The following DCHS2 variants were observed in gnomAD, a reference collection of about 807,000 sequenced individuals.
DCHS2 encodes the protein protocadherin-23.
DCHS2 carries 142 observed loss-of-function variants against 182.4 expected under a neutral mutation model. That is an observed-to-expected ratio of 0.78 (90% CI 0.68 to 0.89). DCHS2 has a LOEUF of 0.89. Ranked by LOEUF, DCHS2 falls within the 40% of genes least tolerant of loss-of-function variation. The pLI, the probability that DCHS2 is intolerant of heterozygous loss-of-function variation, is 0.00. For missense variants in DCHS2, 4,319 were observed against 4,198.6 expected (o/e 1.03, Z -0.79); for synonymous variants, 1,740 against 1,663.3 (o/e 1.05, Z -1.12).
intron 3 of DCHS2, among the ~76,000 whole-genome samples, chr4:154,339,211 A>T (rs149165696): frequency 3.2e-4 from 48 of 152,328 alleles, no homozygotes; most frequent in Admixed American, 1.4e-3. Flanking sequence ...CTGATGTCTC[A>T]GCTCAAGCTG....
intron 7 of DCHS2, among the ~76,000 whole-genome samples, chr4:154,323,906 G>T (rs910940579): frequency 5.3e-5 from 8 of 151,412 alleles, no homozygotes; most frequent in Admixed American, 6.6e-5. Context: ...AAACACTTCT[G>T]GTCCCAAGCA....
intron 3 of DCHS2, among the ~76,000 whole-genome samples, chr4:154,341,256 C>G (rs1261704945): frequency 4.6e-5 from 7 of 150,552 alleles, no homozygotes; most frequent in Non-Finnish European, 1.0e-4. Flanking sequence ...GCAGACCCAG[C>G]TATTTGGGAG....
At chr4:154,486,405 G>A in intron 1 of DCHS2, 1 of 1,303,774 alleles carries the variant, frequency 7.7e-7, no homozygotes, top group Non-Finnish European at 1.0e-6. Flanking sequence ...TAAAGGGTTT[G>A]TTTTTATCAG....
rs1578976098 is a variant in DCHS2 at position 154,333,092 on chromosome 4, C to T, written c.3116G>A (p.Gly1039Asp). The change falls in exon 5 of 20, where the codon GGC becomes GAC. Residue 1039 changes from glycine (G) to aspartate (D), a missense_variant. Gly to Asp is a moderately conservative substitution (Grantham distance 94). Coordinates refer to ENST00000357232, the MANE Select transcript of DCHS2 (RefSeq NM_001358235.2). Reference protein sequence around the residue: ...DRALGVLFLNGSLGAGEQREL... With the variant: ...DRALGVLFLNDSLGAGEQREL... The stretch of plus-strand genomic sequence containing the variant: ...CCGCTGCTCGCCCGCGCCCAGGCTG[C>T]CGTTGAGGAACAGCACCCCCAGGGC... The T allele has an allele frequency of 1.2e-6, 2 of 1,614,020 alleles. No individual in the cohort carries two copies. Among genetic ancestry groups the T allele is most frequent in the Non-Finnish European group, 1.7e-6 (2 of 1,179,988 alleles).
Position 154,332,697 on chromosome 4 carries a change from G to T in DCHS2, c.3511C>A (p.Gln1171Lys). The T allele has an allele frequency of 6.2e-7, 1 of 1,614,218 alleles. No homozygotes were observed. The highest frequency in any genetic ancestry group is 8.5e-7 in the Non-Finnish European group (1 of 1,180,034). ...ACAATGACTGTAGTGCTCACATTTT[G>T]CAAGAATCCGTCCTCGGGGATCCAA... ...FAWIPEDGFL[Q>K]NVSTTVIVRV... The change falls in exon 5 of 20, where the codon CAA becomes AAA. Residue 1171 changes from glutamine (Q) to lysine (K), a missense_variant. Physicochemically the swap from Gln to Lys is moderately conservative, Grantham distance 53. Coordinates refer to ENST00000357232, the MANE Select transcript of DCHS2 (RefSeq NM_001358235.2).
chr4:154,454,028 T>C (rs780291567), intron 1 of DCHS2, among the ~76,000 whole-genome samples: 1 of 152,126 alleles, frequency 6.6e-6, no homozygotes, highest in Non-Finnish European at 1.5e-5. Flanking sequence ...ATACATGCAA[T>C]TGATGAAAAT....
At chr4:154,350,520 A>G (rs995417428) in intron 3 of DCHS2, among the ~76,000 whole-genome samples, 1 of 152,190 alleles carries the variant, frequency 6.6e-6, no homozygotes, top group African/African-American at 2.4e-5. Flanking sequence ...CAGACACACA[A>G]AACAGAATCA....
At chr4:154,256,784 C>T (rs1732697007) in intron 15 of DCHS2, among the ~76,000 whole-genome samples, 1 of 152,060 alleles carries the variant, frequency 6.6e-6, no homozygotes, top group Admixed American at 6.6e-5. Context: ...ATTCTAATTT[C>T]CTACCATCTC....
chr4:154,323,066 A>T, intron 7 of DCHS2: 2 of 817,960 alleles, frequency 2.4e-6, no homozygotes, highest in South Asian at 4.7e-5. Flanking sequence ...GATTCCTGCC[A>T]CCCATCTCTC....
chr4:154,384,619 T>A (rs1178680485), intron 1 of DCHS2: 3 of 1,380,468 alleles, frequency 2.2e-6, no homozygotes, highest in Non-Finnish European at 2.9e-6. Context: ...GAGAGGAGAA[T>A]CTTATCCTTG....
At chr4:154,259,971 C>T (rs192759517) in intron 14 of DCHS2, among the ~76,000 whole-genome samples, 5 of 152,126 alleles carry the variant, frequency 3.3e-5, no homozygotes, top group Non-Finnish European at 5.9e-5. Context: ...TACAGGAACC[C>T]GCCACCATGC....
At chr4:154,260,315 A>G (rs1179731733) in intron 14 of DCHS2, among the ~76,000 whole-genome samples, 1 of 152,078 alleles carries the variant, frequency 6.6e-6, no homozygotes, top group African/African-American at 2.4e-5. Flanking sequence ...AAGACCTGGG[A>G]GCTATCTCTC....
chr4:154,257,196 C>T (rs1452652345), intron 15 of DCHS2, among the ~76,000 whole-genome samples: 1 of 152,026 alleles, frequency 6.6e-6, no homozygotes, highest in African/African-American at 2.4e-5. Context: ...TGCAGTGAGC[C>T]GAGATCACGC....
At chr4:154,396,903 A>C (rs1354565185) in intron 1 of DCHS2, among the ~76,000 whole-genome samples, 1 of 152,178 alleles carries the variant, frequency 6.6e-6, no homozygotes, top group Non-Finnish European at 1.5e-5. Context: ...TCATTCTGAT[A>C]GTGACCATCT....
rs181003981 is a variant in DCHS2 at position 154,459,490 on chromosome 4, G to A, written c.2052+29814C>T. Among the ~76,000 whole-genome samples, 16 of 152,060 alleles carry A rather than the reference G, an allele frequency of 1.1e-4. No homozygotes were observed. The East Asian group carries it at 2.3e-3, about 22-fold the overall frequency. ...AGGGAAAGCAAAGGCAAAGAGCCCC[G>A]ACCACCGTCCCCACAAATGATGTGC... is the stretch of plus-strand genomic sequence containing the variant. On this transcript the variant is annotated intron_variant, in intron 1 of 19. Transcript: ENST00000357232.
chr4:154,260,904 A>G (rs1296295655), intron 14 of DCHS2, among the ~76,000 whole-genome samples: 1 of 152,148 alleles, frequency 6.6e-6, no homozygotes, highest in Non-Finnish European at 1.5e-5. Context: ...CAGATTTTTG[A>G]GGGTGATGCC....
At chr4:154,394,189 G>T (rs1446442922) in intron 1 of DCHS2, among the ~76,000 whole-genome samples, 2 of 152,108 alleles carry the variant, frequency 1.3e-5, no homozygotes, top group Non-Finnish European at 2.9e-5. Context: ...AGGCCTCAGG[G>T]TCACCAATAA....
At position 154,357,151 on chromosome 4, in the gene DCHS2, A is replaced by G. The variant is rs79758091; in HGVS notation, c.2476+9059T>C. Reference sequence around the variant, plus strand: ...TTGTTTAAAACTCACTTTCTCATATAGGTGCTTTCATGGCCTTTTTGGTGA... The same window carrying G: ...TTGTTTAAAACTCACTTTCTCATATGGGTGCTTTCATGGCCTTTTTGGTGA... On this transcript the variant is annotated intron_variant, in intron 3 of 19. Coordinates refer to ENST00000357232, the MANE Select transcript of DCHS2 (RefSeq NM_001358235.2). 2.6e-3 allele frequency: 2,625 copies of G among 991,858 alleles called. 49 individuals carry two copies. The African/African-American group carries it at 0.037, about 14-fold the overall frequency. The allele number at this position is 991,858 out of a possible 1,614,324, so 61.4% of individuals were successfully genotyped here.
chr4:154,285,531 A>T (rs1734354770), intron 13 of DCHS2, among the ~76,000 whole-genome samples: 1 of 152,150 alleles, frequency 6.6e-6, no homozygotes, highest in Non-Finnish European at 1.5e-5. Context: ...CAGGCCTGGC[A>T]ATATTCATCA....
Sources: gnomAD v4.1 joint callset for allele counts (sites outside exome capture counted in the v4.1 genomes callset) on GRCh38, gnomAD v4.1.1 for gene constraint, MANE v1.5 for transcripts, NCBI Gene and HGNC (gene_info 2026-07-23, HGNC 2026-07-21) for gene names.